The following NPR3 variants were observed in gnomAD, a reference collection of about 807,000 sequenced individuals.
NPR3 encodes atrial natriuretic peptide receptor 3.
NPR3 carries 34 observed loss-of-function variants against 54.5 expected under a neutral mutation model. The observed-to-expected ratio is 0.62, with a 90% CI of 0.47 to 0.83. The LOEUF is 0.83. Ranked by LOEUF, NPR3 falls within the 40% of genes least tolerant of loss-of-function variation. The pLI, the probability that NPR3 is intolerant of heterozygous loss-of-function variation, is 0.00. For missense variants in NPR3, 674 were observed against 720.8 expected (o/e 0.94, Z 0.74); for synonymous variants, 289 against 297.1 (o/e 0.97, Z 0.28).
At chr5:32,720,536 A>T (rs1322870514) in intron 1 of NPR3, among the ~76,000 whole-genome samples, 1 of 152,214 alleles carries the variant, frequency 6.6e-6, no homozygotes, top group Admixed American at 6.5e-5. Context: ...CACTGTGGGA[A>T]CCAGATGATG....
chr5:32,772,553 CAAACAACA>C (rs1741824351), intron 3 of NPR3, among the ~76,000 whole-genome samples: 2 of 152,190 alleles, frequency 1.3e-5, no homozygotes, highest in South Asian at 4.1e-4. Flanking sequence ...GTCTAGGGCA[CAAACAACA>C]TGAACAGTAG....
intron 2 of NPR3, among the ~76,000 whole-genome samples, chr5:32,728,423 A>G (rs1000341670): frequency 6.6e-6 from 1 of 150,652 alleles, no homozygotes; most frequent in Admixed American, 6.7e-5. Context: ...AGATCTTGCC[A>G]CTGCACTCCA....
intron 1 of NPR3, among the ~76,000 whole-genome samples, chr5:32,720,789 T>G (rs116426823): frequency 6.6e-6 from 1 of 152,172 alleles, no homozygotes; most frequent in Non-Finnish European, 1.5e-5. Context: ...ATAAATCTTA[T>G]CACCTGTTGG....
At chr5:32,782,494 G>T (rs186014729) in intron 5 of NPR3, among the ~76,000 whole-genome samples, 1 of 152,276 alleles carries the variant, frequency 6.6e-6, no homozygotes, top group Non-Finnish European at 1.5e-5. Context: ...CCACGAGGGG[G>T]TAGTGACTGA....
intron 3 of NPR3, among the ~76,000 whole-genome samples, chr5:32,758,583 T>TG (rs2112005317): frequency 1.0e-5 from 1 of 96,082 alleles, no homozygotes; most frequent in East Asian, 2.8e-4. Context: ...TTTTGAAGGG[T>TG]TTTTTGTGTC....
In NPR3 at chr5:32,783,020, G is replaced by A. The variant is rs1250991735; in HGVS notation, c.1418G>A (p.Cys473Tyr). The A allele has an allele frequency of 3.1e-5, 49 of 1,599,260 alleles. No homozygotes were observed. The highest frequency in any genetic ancestry group is 3.9e-5 in the Non-Finnish European group (46 of 1,171,978). The change falls in exon 6 of 8, where the codon TGC (cysteine) becomes TAC (tyrosine). Residue 473 changes from cysteine (C) to tyrosine (Y), a missense_variant. Transcript: ENST00000265074. ...RIVEHTNSSP[C>Y]KSSGGLEESA... ...GTAGAGCATACAAACAGCTCTCCCT[G>A]CAAATCATGTAAGTCTGGAGACTTA... is the stretch of plus-strand genomic sequence containing the variant.
At position 32,712,073 on chromosome 5, in the gene NPR3, C is replaced by T; in HGVS notation, c.297C>T (p.Phe99=). Residue 99 remains phenylalanine (F), a synonymous_variant, in exon 1 of 8, where the codon TTC becomes TTT. Transcript: ENST00000265074. The part of the protein sequence containing the change: ...GRRLLPPGTR[F]QVAYEDSDCG... ...GGCTTCTGCCGCCGGGCACTCGCTT[C>T]CAGGTGGCTTACGAGGATTCAGACT... 1 of 1,613,842 alleles carries T rather than the reference C, an allele frequency of 6.2e-7. No homozygotes were observed. Among genetic ancestry groups the T allele is most frequent in the Non-Finnish European group, 8.5e-7 (1 of 1,179,800 alleles).
At chr5:32,723,107 TTA>T (rs1259471292) in intron 1 of NPR3, among the ~76,000 whole-genome samples, 1 of 152,194 alleles carries the variant, frequency 6.6e-6, no homozygotes, top group Non-Finnish European at 1.5e-5. Flanking sequence ...GAAGTTTGTT[TTA>T]TGTCTTTCAG....
rs1579663848 is a variant in NPR3, at chr5:32,756,823, G to A, written c.1059+17793G>A. Among the ~76,000 whole-genome samples, 3 of 152,216 alleles carry A rather than the reference G, an allele frequency of 2.0e-5. No homozygotes were observed. The East Asian group carries it at 5.8e-4, about 29-fold the overall frequency. On this transcript the variant is annotated intron_variant, in intron 3 of 7. Transcript: ENST00000265074. ...ATCCAGTTTCAGCTTTCTACATATGGCTAGCCAGTTTTCCCAGCACCATTT... is the reference window on the plus strand; with the variant it reads ...ATCCAGTTTCAGCTTTCTACATATGACTAGCCAGTTTTCCCAGCACCATTT...
At position 32,712,562 on chromosome 5, in the gene NPR3, C is replaced by G. The variant is rs371043582; in HGVS notation, c.769+17C>G. The G allele has an allele frequency of 6.7e-7, 1 of 1,502,028 alleles. No homozygotes were observed. The highest frequency in any genetic ancestry group is 8.8e-7 in the Non-Finnish European group (1 of 1,131,150). The allele number at this position is 1,502,028 out of a possible 1,614,324, so 93.0% of individuals were successfully genotyped here. A position where few individuals can be genotyped will look rare whatever the true frequency, so the allele number is the denominator to read the frequency against. ...GTGAGAGAGGTGAGCAGGGGCGCGTCCCGGGCCCCGGGCCCTAACCCAACC... is the reference window on the plus strand; with the variant it reads ...GTGAGAGAGGTGAGCAGGGGCGCGTGCCGGGCCCCGGGCCCTAACCCAACC... On this transcript the variant is annotated intron_variant, in intron 1 of 7. Transcript: ENST00000265074.
At chr5:32,779,507 T>G (rs1310961848) in intron 4 of NPR3, among the ~76,000 whole-genome samples, 2 of 152,216 alleles carry the variant, frequency 1.3e-5, no homozygotes, top group Non-Finnish European at 2.9e-5. Flanking sequence ...GCCTTACGTG[T>G]CACTGACTCC....
At chr5:32,744,413 T>G (rs776528492) in intron 3 of NPR3, among the ~76,000 whole-genome samples, 4 of 152,168 alleles carry the variant, frequency 2.6e-5, no homozygotes, top group Admixed American at 1.3e-4. Context: ...TTGGGCACCT[T>G]TCTGAGACTT....
intron 3 of NPR3, among the ~76,000 whole-genome samples, chr5:32,749,742 A>G (rs1388230072): frequency 6.6e-6 from 1 of 152,148 alleles, no homozygotes; most frequent in Non-Finnish European, 1.5e-5. Flanking sequence ...TTTCAGTTTT[A>G]TGCTTCACCC....
At position 32,754,894 on chromosome 5, in the gene NPR3, TCTGTAGCCCAGG is replaced by T. The variant is rs1421663589; in HGVS notation, c.1059+15868_1059+15879del. Among the ~76,000 whole-genome samples the T allele has an allele frequency of 4.6e-5, 7 of 152,344 alleles. No individual in the cohort carries two copies. The South Asian group carries it at 1.0e-3, about 23-fold the overall frequency. On this transcript the variant is annotated intron_variant, in intron 3 of 7. Transcript: ENST00000265074. ...TTTTTCTTTTGAGACGGAGTCTTGT[TCTGTAGCCCAGG>T]CTGGAGGGCAGTGGCGTGATCTCCG...
At chr5:32,732,743 G>C (rs973737529) in intron 2 of NPR3, among the ~76,000 whole-genome samples, 23 of 152,274 alleles carry the variant, frequency 1.5e-4, no homozygotes, top group African/African-American at 5.1e-4. Flanking sequence ...ATGAAAAGTT[G>C]TTCAACATCT....
At chr5:32,735,020 C>T (rs2111930690) in intron 2 of NPR3, among the ~76,000 whole-genome samples, 1 of 152,264 alleles carries the variant, frequency 6.6e-6, no homozygotes, top group Admixed American at 6.5e-5. Flanking sequence ...CTCTGCCCTT[C>T]TCCCTCTGCT....
intron 3 of NPR3, 91 bp downstream of exon 3, chr5:32,739,121 A>G: frequency 3.1e-6 from 4 of 1,298,834 alleles, no homozygotes; most frequent in Non-Finnish European, 4.2e-6. Flanking sequence ...ATTCTGAGCC[A>G]TTCAAAAATT....
intron 1 of NPR3, among the ~76,000 whole-genome samples, chr5:32,696,549 G>T (rs1241431575): frequency 6.6e-6 from 1 of 151,690 alleles, no homozygotes; most frequent in Non-Finnish European, 1.5e-5. Context: ...GAATGTCATT[G>T]GTATTTTGAT....
intron 1 of NPR3, among the ~76,000 whole-genome samples, chr5:32,717,697 G>C (rs1476099098): frequency 6.6e-6 from 1 of 152,048 alleles, no homozygotes; most frequent in African/African-American, 2.4e-5. Context: ...CTTTCTGATG[G>C]GATTGTTTGT....
Sources: allele counts gnomAD v4.1 joint callset (sites outside exome capture counted in the v4.1 genomes callset), GRCh38; gene constraint gnomAD v4.1.1; transcripts MANE v1.5; gene names NCBI Gene and HGNC (gene_info 2026-07-23, HGNC 2026-07-21).